Variants in SULF1 observed in about 807,000 individuals in gnomAD.
SULF1 encodes sulfatase 1.
SULF1 carries 46 observed loss-of-function variants against 110.5 expected under a neutral mutation model. That is an observed-to-expected ratio of 0.42 (90% CI 0.33 to 0.53). The LOEUF (loss-of-function observed/expected upper bound fraction) is 0.53. Among genes scored for constraint, SULF1 ranks in the 20% least tolerant of loss-of-function variants. SULF1 has a pLI of 0.12. For synonymous variants in SULF1, 371 were observed against 387.1 expected, an observed-to-expected ratio of 0.96 and a Z score of 0.49; for missense variants, 941 against 1,094.2, an observed-to-expected ratio of 0.86 and a Z score of 1.98.
At chr8:69,656,120 T>C (rs557542967) in intron 22 of SULF1, among the ~76,000 whole-genome samples, 58 of 152,318 alleles carry the variant, frequency 3.8e-4, no homozygotes, top group African/African-American at 1.4e-3. Flanking sequence ...GGATATGAGA[T>C]GCTAGGTTCA....
intron 8 of SULF1, among the ~76,000 whole-genome samples, chr8:69,596,618 T>G (rs1313794478): frequency 6.6e-6 from 1 of 152,130 alleles, no homozygotes; most frequent in Non-Finnish European, 1.5e-5. Context: ...ATGAGTGGGA[T>G]TTTTGAGGTA....
intron 1 of SULF1, among the ~76,000 whole-genome samples, chr8:69,482,905 C>A (rs1809565015): frequency 6.6e-6 from 1 of 152,052 alleles, no homozygotes; most frequent in South Asian, 2.1e-4. Context: ...ATCCACAGTT[C>A]CACCTCAGTG....
intron 4 of SULF1, 83 bp from the exon 5 acceptor site, chr8:69,563,833 T>C (rs1815678299): frequency 2.6e-6 from 2 of 779,434 alleles, no homozygotes; most frequent in Admixed American, 5.1e-5. Context: ...TACTGACTTA[T>C]TTGTAGCCCT....
intron 3 of SULF1, among the ~76,000 whole-genome samples, chr8:69,516,924 G>T (rs1811964618): frequency 6.6e-6 from 1 of 152,142 alleles, no homozygotes; most frequent in Admixed American, 6.5e-5. Context: ...GGTGGGAAAA[G>T]ACATTTCTTG....
At chr8:69,509,692 C>T (rs546828661) in intron 3 of SULF1, among the ~76,000 whole-genome samples, 1 of 152,326 alleles carries the variant, frequency 6.6e-6, no homozygotes, top group Admixed American at 6.5e-5. Context: ...CATCCCTCTG[C>T]TCACTGTCCA....
intron 3 of SULF1, among the ~76,000 whole-genome samples, chr8:69,559,770 G>C (rs1460443246): frequency 6.6e-6 from 1 of 151,670 alleles, no homozygotes; most frequent in Non-Finnish European, 1.5e-5. Flanking sequence ...GGGACTTTGT[G>C]TGAACCTCTT....
At chr8:69,633,105 T>A (rs1810711448) in intron 19 of SULF1, among the ~76,000 whole-genome samples, 1 of 152,168 alleles carries the variant, frequency 6.6e-6, no homozygotes, top group Non-Finnish European at 1.5e-5. Flanking sequence ...AAAAGAGTTT[T>A]TAAAAATAGT....
At chr8:69,507,267 A>G (rs572462111) in intron 3 of SULF1, among the ~76,000 whole-genome samples, 1 of 152,342 alleles carries the variant, frequency 6.6e-6, no homozygotes, top group African/African-American at 2.4e-5. Context: ...AACATGGAAT[A>G]TATTCCTCAG....
intron 13 of SULF1, among the ~76,000 whole-genome samples, chr8:69,613,574 C>T (rs938826180): frequency 6.6e-6 from 1 of 152,008 alleles, no homozygotes; most frequent in African/African-American, 2.4e-5. Flanking sequence ...ACATATTATG[C>T]CCATTTTAGA....
intron 22 of SULF1, among the ~76,000 whole-genome samples, chr8:69,649,235 C>G (rs62512189): frequency 0.016 from 2,412 of 152,260 alleles, 30 homozygotes; most frequent in Non-Finnish European, 0.026. Flanking sequence ...GAACTGTTAC[C>G]CCATTTGCTT....
At chr8:69,525,976 C>T (rs13274861) in intron 3 of SULF1, among the ~76,000 whole-genome samples, 94,657 of 152,060 alleles carry the variant, frequency 0.62, 30,179 homozygotes, top group Middle Eastern at 0.76. Flanking sequence ...TGTAGTAACA[C>T]CCTAGCTCTA....
At chr8:69,614,011 A>T (rs186542367) in intron 13 of SULF1, among the ~76,000 whole-genome samples, 1 of 152,194 alleles carries the variant, frequency 6.6e-6, no homozygotes, top group African/African-American at 2.4e-5. Context: ...CCCAATACTC[A>T]TCTCCATTAA....
At chr8:69,658,222 G>A (rs1812867451) in intron 22 of SULF1, among the ~76,000 whole-genome samples, 1 of 152,188 alleles carries the variant, frequency 6.6e-6, no homozygotes, top group Non-Finnish European at 1.5e-5. Flanking sequence ...GGGGCCAGGA[G>A]TGAAACCCAA....
chr8:69,627,976 G>T (rs1051191309), intron 17 of SULF1, 110 bp downstream of exon 17: 20 of 941,210 alleles, frequency 2.1e-5, no homozygotes, highest in Non-Finnish European at 3.2e-5. Flanking sequence ...TATTGTCATA[G>T]AGTACGATAA....
intron 19 of SULF1, among the ~76,000 whole-genome samples, chr8:69,632,956 G>A (rs1810695890): frequency 6.6e-6 from 1 of 151,672 alleles, no homozygotes; most frequent in Non-Finnish European, 1.5e-5. Flanking sequence ...AGCATGGGAG[G>A]TGAAGGCTGC....
chr8:69,628,137 AT>A, intron 17 of SULF1, 33 bp from the exon 18 acceptor site: 2 of 1,549,566 alleles, frequency 1.3e-6, no homozygotes, highest in Non-Finnish European at 1.8e-6. Context: ...ATGCAAGGCT[AT>A]GAAGTCTCAC....
In SULF1 at chr8:69,563,584, A is replaced by G. The variant is rs1325490830; in HGVS notation, c.-88A>G. On this transcript the variant is annotated 5_prime_UTR_variant, in exon 4 of 23. It removes the in-frame stop codon of an upstream open reading frame in the 5' UTR. Transcript: ENST00000402687. ...TGAATACCTCTGAGAATAGAGATTG[A>G]TTATTCAACCAGGATACCTAATTCA... is the stretch of plus-strand genomic sequence containing the variant. 4 of 172,354 alleles carry G rather than the reference A, an allele frequency of 2.3e-5. No individual in the cohort carries two copies. Among genetic ancestry groups the G allele is most frequent in the African/African-American group, 9.5e-5 (4 of 41,952 alleles). 10.7% of individuals were successfully genotyped at this position (172,354 alleles called of 1,614,324 possible).
At chr8:69,580,672 A>G (rs534367961) in intron 6 of SULF1, among the ~76,000 whole-genome samples, 1 of 152,220 alleles carries the variant, frequency 6.6e-6, no homozygotes, top group Non-Finnish European at 1.5e-5. Context: ...CACATGGTAC[A>G]TAAAATCACA....
Position 69,494,972 on chromosome 8 carries a change from G to A in SULF1, c.-390-793G>A, listed in dbSNP as rs144807843. Among the ~76,000 whole-genome samples the A allele has an allele frequency of 3.1e-4, 47 of 152,180 alleles. No homozygotes were observed. In the East Asian group the frequency reaches 3.7e-3, roughly 12 times the overall value. ...GAGCAGTGTAGGTGGACAATAGGGC[G>A]CAGATTCCAGAAATATTTAGAAGGT... On this transcript the variant is annotated intron_variant, in intron 1 of 22. Transcript: ENST00000402687.
Sources: gnomAD v4.1 joint callset for allele counts (sites outside exome capture counted in the v4.1 genomes callset) on GRCh38, gnomAD v4.1.1 for gene constraint, MANE v1.5 for transcripts, NCBI Gene and HGNC (gene_info 2026-07-23, HGNC 2026-07-21) for gene names.